LONP2: variants seen among roughly 807,000 people sequenced by gnomAD.
LONP2 encodes lon peptidase 2, peroxisomal.
LONP2 carries 60 observed loss-of-function variants against 85.6 expected under a neutral mutation model. The observed-to-expected ratio is 0.70, with a 90% confidence interval of 0.57 to 0.87. The LOEUF (loss-of-function observed/expected upper bound fraction) is 0.87, where lower values mean the gene tolerates loss of function less well. LONP2 is among the 40% of genes least tolerant of loss of function. The pLI, the probability that LONP2 is intolerant of heterozygous loss-of-function variation, is 0.00. For synonymous variants in LONP2, 395 were observed against 389.7 expected (o/e 1.01, Z -0.16); for missense variants, 860 against 1,063.5 (o/e 0.81, Z 2.66).
intron 5 of LONP2, among the ~76,000 whole-genome samples, chr16:48,262,422 A>G (rs1011508465): frequency 1.3e-5 from 2 of 152,170 alleles, no homozygotes; most frequent in Admixed American, 1.3e-4. Context: ...TTAGAATTAG[A>G]TATAATGTTT....
chr16:48,274,852 C>T (rs1972173914), intron 7 of LONP2, among the ~76,000 whole-genome samples: 1 of 152,290 alleles, frequency 6.6e-6, no homozygotes, highest in Non-Finnish European at 1.5e-5. Context: ...CATTGTAACA[C>T]TTAAACTCTT....
chr16:48,331,120 G>GAA (rs1405078542), intron 11 of LONP2, among the ~76,000 whole-genome samples: 10 of 152,194 alleles, frequency 6.6e-5, no homozygotes, highest in African/African-American at 2.4e-4. Context: ...TGCACTGGCT[G>GAA]AAGTTTTTGA....
chr16:48,267,627 G>A (rs1055072517), intron 6 of LONP2, among the ~76,000 whole-genome samples: 6 of 151,230 alleles, frequency 4.0e-5, no homozygotes, highest in Admixed American at 2.0e-4. Context: ...TTGTTTGTTC[G>A]TTTTTTGAGA....
intron 6 of LONP2, among the ~76,000 whole-genome samples, chr16:48,264,110 G>A (rs922629053): frequency 3.9e-5 from 6 of 152,166 alleles, no homozygotes; most frequent in Non-Finnish European, 1.5e-5. Context: ...CCACAGCTCC[G>A]AGGCGAAATT....
rs534217939 is a variant in LONP2 at position 48,320,365 on chromosome 16, C to T, written c.1796-13851C>T. On this transcript the variant is annotated intron_variant, in intron 11 of 14. Coordinates refer to ENST00000285737, the MANE Select transcript of LONP2 (RefSeq NM_031490.5). Reference sequence around the variant, plus strand: ...ACCTTTCCTTTGATTGTATTAGTAGCTCAGGACAAATAAGAATTTATAATT... The same window carrying T: ...ACCTTTCCTTTGATTGTATTAGTAGTTCAGGACAAATAAGAATTTATAATT... Among the ~76,000 whole-genome samples, 6 of 152,026 alleles carry T rather than the reference C, an allele frequency of 3.9e-5. 1 individual carries two copies. The highest frequency in any genetic ancestry group is 1.4e-4 in the African/African-American group (6 of 41,444).
Position 48,311,211 on chromosome 16 carries a change from G to A in LONP2, c.1795+7906G>A, listed in dbSNP as rs72802171. ...ATGTCTAGATCCTTTGCTAGACTAG[G>A]GAAGGTTTTCTCAATTATTTTCTCA... On this transcript the variant is annotated intron_variant, in intron 11 of 14. Transcript: ENST00000285737. Among the ~76,000 whole-genome samples the A allele has an allele frequency of 5.8e-3, 883 of 152,144 alleles. 7 individuals are homozygous for A. Among genetic ancestry groups the A allele is most frequent in the Middle Eastern group, 0.031 (9 of 294 alleles).
chr16:48,322,486 A>G (rs959004783), intron 11 of LONP2, among the ~76,000 whole-genome samples: 2 of 152,170 alleles, frequency 1.3e-5, no homozygotes, highest in African/African-American at 4.8e-5. Context: ...ATGCATGGAT[A>G]ACAGTGCCTT....
At chr16:48,281,820 A>G (rs947837455) in intron 8 of LONP2, among the ~76,000 whole-genome samples, 1 of 152,208 alleles carries the variant, frequency 6.6e-6, no homozygotes, top group Non-Finnish European at 1.5e-5. Context: ...GACCAATAGT[A>G]TATTTACTAC....
Position 48,262,803 on chromosome 16 carries a change from C to T in LONP2, c.913C>T (p.Pro305Ser). 6.2e-7 allele frequency: 1 copy of T among 1,610,468 alleles called. No homozygotes were observed. The highest frequency in any genetic ancestry group is 1.3e-5 in the African/African-American group (1 of 74,824). Residue 305 changes from proline to serine, a missense_variant, in exon 6 of 15, where the codon CCA becomes TCA. Pro to Ser is a moderately conservative substitution (Grantham distance 74, BLOSUM62 -1). This residue lies in a region of LONP2 where 743 missense variants were observed against 917.3 expected (regional missense o/e 0.81). Coordinates refer to ENST00000285737, the MANE Select transcript of LONP2 (RefSeq NM_031490.5). ...KRLKKMPQSMPEYALTRNYLE... is the reference protein window; with the variant it reads ...KRLKKMPQSMSEYALTRNYLE... ...ACTCAAAAAAATGCCTCAGTCAATGCCAGAATATGCTCTGACTAGAAATTA... is the reference window on the plus strand; with the variant it reads ...ACTCAAAAAAATGCCTCAGTCAATGTCAGAATATGCTCTGACTAGAAATTA...
At chr16:48,349,269 C>CT (rs58080850) in intron 14 of LONP2, among the ~76,000 whole-genome samples, 2 of 151,006 alleles carry the variant, frequency 1.3e-5, no homozygotes, top group Non-Finnish European at 2.9e-5. Context: ...AAGAAATAGT[C>CT]TTTTTTTCTT....
chr16:48,322,695 C>A (rs1259532936), intron 11 of LONP2, among the ~76,000 whole-genome samples: 1 of 152,012 alleles, frequency 6.6e-6, no homozygotes, highest in Non-Finnish European at 1.5e-5. Context: ...GGCAACATAG[C>A]GAGACTCCAC....
At chr16:48,322,926 A>G (rs1973296997) in intron 11 of LONP2, among the ~76,000 whole-genome samples, 1 of 152,190 alleles carries the variant, frequency 6.6e-6, no homozygotes. Flanking sequence ...CGGGGCTACA[A>G]CATCACTAGG....
At chr16:48,330,468 G>A (rs1959402751) in intron 11 of LONP2, among the ~76,000 whole-genome samples, 1 of 152,232 alleles carries the variant, frequency 6.6e-6, no homozygotes, top group African/African-American at 2.4e-5. Flanking sequence ...GGTCCTTTCT[G>A]ACAGAGAACA....
intron 9 of LONP2, among the ~76,000 whole-genome samples, 158 bp from the exon 10 acceptor site, chr16:48,299,504 C>T (rs1972754464): frequency 6.6e-6 from 1 of 151,864 alleles, no homozygotes; most frequent in African/African-American, 2.4e-5. Flanking sequence ...ATCACTTGAA[C>T]CTGAGAGGTG....
intron 1 of LONP2, among the ~76,000 whole-genome samples, chr16:48,249,689 A>G (rs1239256755): frequency 6.6e-6 from 1 of 151,956 alleles, no homozygotes; most frequent in Non-Finnish European, 1.5e-5. Context: ...CAGCCTGGTC[A>G]ACATCATGAG....
intron 14 of LONP2, among the ~76,000 whole-genome samples, chr16:48,349,107 C>G (rs1418071607): frequency 6.6e-6 from 1 of 151,962 alleles, no homozygotes; most frequent in African/African-American, 2.4e-5. Flanking sequence ...GGCTCCAGAT[C>G]CTAAACTGCT....
intron 11 of LONP2, among the ~76,000 whole-genome samples, chr16:48,313,220 G>A (rs1480953402): frequency 3.9e-5 from 6 of 152,080 alleles, no homozygotes; most frequent in East Asian, 1.9e-4. Flanking sequence ...TTATGATTCC[G>A]TTGAATCTGT....
At position 48,299,782 on chromosome 16, in the gene LONP2, T is replaced by C; in HGVS notation, c.1655T>C (p.Ile552Thr). 1 of 1,609,290 alleles carries C rather than the reference T, an allele frequency of 6.2e-7. No individual in the cohort carries two copies. ...QIPQVTTLDI[I>T]TRYTREAGVR... ...CCCCAGGTCACCACTCTTGACATCATCACCAGGTTAGTTAGCCATCCTGAG... is the reference window on the plus strand; with the variant it reads ...CCCCAGGTCACCACTCTTGACATCACCACCAGGTTAGTTAGCCATCCTGAG... The change falls in exon 10 of 15, where the codon ATC (isoleucine) becomes ACC (threonine). Residue 552 changes from isoleucine (I) to threonine (T), a missense_variant. Ile to Thr is a moderately conservative substitution (Grantham distance 89, BLOSUM62 -1). Transcript: ENST00000285737.
At chr16:48,361,540 G>A (rs1440254503), downstream of LONP2, 1 of 1,594,774 alleles carries the variant, frequency 6.3e-7, no homozygotes, top group South Asian at 1.1e-5. Flanking sequence ...CTGTGAAACT[G>A]AAGTTTTAAA....
Sources: allele counts gnomAD v4.1 joint callset (sites outside exome capture counted in the v4.1 genomes callset), GRCh38; gene constraint gnomAD v4.1.1; regional missense constraint gnomAD v4.1.1; transcripts MANE v1.5; gene names NCBI Gene and HGNC (gene_info 2026-07-23, HGNC 2026-07-21).